Variants in LRRC7 observed in about 807,000 individuals in gnomAD.
LRRC7 encodes leucine-rich repeat-containing protein 7.
A neutral mutation model predicts 175.7 loss-of-function variants in LRRC7; 23 were observed. The observed-to-expected ratio is 0.13, with a 90% CI of 0.09 to 0.19. LRRC7 has a LOEUF of 0.19. LRRC7 is among the 10% of genes least tolerant of loss of function. LRRC7 has a pLI of 1.00. For missense variants in LRRC7, 1,354 were observed against 1,904.7 expected, an observed-to-expected ratio of 0.71 and a Z score of 5.38; for synonymous variants, 685 against 680.9, an observed-to-expected ratio of 1.01 and a Z score of -0.09.
chr1:69,657,112 G>A (rs954609652), intron 1 of LRRC7, among the ~76,000 whole-genome samples: 1 of 151,594 alleles, frequency 6.6e-6, no homozygotes, highest in Non-Finnish European at 1.5e-5. Flanking sequence ...CTTATATTGT[G>A]TGTGTGTGTA....
At chr1:69,763,596 G>A (rs1671277759) in intron 3 of LRRC7, among the ~76,000 whole-genome samples, 3 of 151,974 alleles carry the variant, frequency 2.0e-5, no homozygotes. Flanking sequence ...AGGGGAAGGG[G>A]TGGAAAGGGT....
chr1:70,044,191 C>G (rs1660150568), intron 22 of LRRC7, 97 bp downstream of exon 22: 2 of 1,271,172 alleles, frequency 1.6e-6, no homozygotes, highest in African/African-American at 1.5e-5. Context: ...ACCCTGCTTA[C>G]TATAGGCTCC....
intron 2 of LRRC7, among the ~76,000 whole-genome samples, chr1:69,721,456 AACAGT>A (rs66796936): frequency 0.44 from 66,248 of 151,302 alleles, 14,712 homozygotes; most frequent in Admixed American, 0.5. Context: ...ATTGGAATGA[AACAGT>A]GTGTAGTTTT....
At chr1:69,584,230 G>C (rs1646315803) in intron 1 of LRRC7, among the ~76,000 whole-genome samples, 1 of 152,068 alleles carries the variant, frequency 6.6e-6, no homozygotes, top group Non-Finnish European at 1.5e-5. Flanking sequence ...TTATTTCTCT[G>C]TTATCCCATT....
chr1:69,732,644 A>G (rs1379936493), intron 2 of LRRC7, among the ~76,000 whole-genome samples: 2 of 152,126 alleles, frequency 1.3e-5, no homozygotes, highest in African/African-American at 4.8e-5. Flanking sequence ...TGAAGAAAAC[A>G]GAATTCTTCA....
At chr1:69,980,727 A>T (rs1359824145) in intron 9 of LRRC7, among the ~76,000 whole-genome samples, 2 of 152,160 alleles carry the variant, frequency 1.3e-5, no homozygotes, top group East Asian at 3.9e-4. Context: ...TGTTCTTTAA[A>T]AGCTGAAAGA....
At chr1:69,658,758 CAA>C (rs1657015195) in intron 1 of LRRC7, among the ~76,000 whole-genome samples, 1 of 151,980 alleles carries the variant, frequency 6.6e-6, no homozygotes, top group South Asian at 2.1e-4. Context: ...AATCACATCG[CAA>C]AGTTTTTAAA....
intron 7 of LRRC7, among the ~76,000 whole-genome samples, chr1:69,907,888 T>A (rs1449073808): frequency 6.6e-6 from 1 of 151,962 alleles, no homozygotes; most frequent in African/African-American, 2.4e-5. Context: ...ATCCATCTGG[T>A]CCTGGACTCT....
chr1:69,990,413 T>A (rs1654327136), intron 10 of LRRC7, among the ~76,000 whole-genome samples: 1 of 152,040 alleles, frequency 6.6e-6, no homozygotes, highest in African/African-American at 2.4e-5. Flanking sequence ...GCAATAAAGA[T>A]GTTATTTATG....
chr1:69,609,434 TAGAG>T (rs1006171805), intron 1 of LRRC7, among the ~76,000 whole-genome samples: 62 of 151,902 alleles, frequency 4.1e-4, no homozygotes, highest in African/African-American at 1.0e-3. Context: ...TATATATACA[TAGAG>T]AGAGGAAATA....
intron 21 of LRRC7, 30 bp downstream of exon 21, chr1:70,039,823 C>A: frequency 1.3e-6 from 2 of 1,540,150 alleles, no homozygotes; most frequent in South Asian, 1.3e-5. Flanking sequence ...GTAAGAATAT[C>A]CCTCCTGCCT....
At chr1:69,845,119 T>C (rs1682200327) in intron 7 of LRRC7, among the ~76,000 whole-genome samples, 1 of 151,892 alleles carries the variant, frequency 6.6e-6, no homozygotes, top group South Asian at 2.1e-4. Context: ...GGATTGGTGG[T>C]GTGTGCCTGT....
chr1:69,761,242 G>T (rs929909229), intron 3 of LRRC7, among the ~76,000 whole-genome samples: 1 of 149,138 alleles, frequency 6.7e-6, no homozygotes, highest in Non-Finnish European at 1.5e-5. Context: ...GGAAAAAAAC[G>T]TCATGCACTC....
intron 18 of LRRC7, among the ~76,000 whole-genome samples, chr1:70,032,289 G>A (rs1167993594): frequency 1.3e-5 from 2 of 151,972 alleles, no homozygotes; most frequent in African/African-American, 4.8e-5. Context: ...AGAATCAAGG[G>A]GTAGGGCTTT....
At chr1:69,594,782 T>C (rs1646773182) in intron 1 of LRRC7, among the ~76,000 whole-genome samples, 1 of 152,136 alleles carries the variant, frequency 6.6e-6, no homozygotes. Flanking sequence ...TGCTAATGGG[T>C]ATCTTTCTAA....
In LRRC7 at chr1:69,699,733, A is replaced by G. The variant is rs553062568; in HGVS notation, c.100+21255A>G. Reference sequence around the variant, plus strand: ...ACAGGGCCAAAGATGGCCCCACACAAGTTATCTCCTCTGTGTGGCCTACTT... The same window carrying G: ...ACAGGGCCAAAGATGGCCCCACACAGGTTATCTCCTCTGTGTGGCCTACTT... On this transcript the variant is annotated intron_variant, in intron 2 of 26. Coordinates refer to ENST00000651989, the MANE Select transcript of LRRC7 (RefSeq NM_001370785.2). Among the ~76,000 whole-genome samples the G allele has an allele frequency of 2.0e-5, 3 of 151,764 alleles. No individual in the cohort carries two copies. The East Asian group carries it at 5.8e-4, about 29-fold the overall frequency.
rs777603211 is a variant in LRRC7 at position 70,128,255 on chromosome 1, C to G, written c.*6368C>G. On this transcript the variant is annotated 3_prime_UTR_variant, in exon 27 of 27. Coordinates refer to ENST00000651989, the MANE Select transcript of LRRC7 (RefSeq NM_001370785.2). The stretch of plus-strand genomic sequence containing the variant: ...GGGATTACAGGCGTGAGCCACTGTG[C>G]CCAGCATTTTTTCATTCTTTAAGCT... Among the ~76,000 whole-genome samples, 1 of 152,200 alleles carries G rather than the reference C, an allele frequency of 6.6e-6. No homozygotes were observed. The highest frequency in any genetic ancestry group is 1.5e-5 in the Non-Finnish European group (1 of 68,032).
At chr1:69,691,315 G>T (rs1356615273) in intron 2 of LRRC7, among the ~76,000 whole-genome samples, 1 of 151,942 alleles carries the variant, frequency 6.6e-6, no homozygotes, top group Non-Finnish European at 1.5e-5. Context: ...GATTATTATT[G>T]TAGCACTCAT....
At chr1:69,951,514 A>G (rs576735575) in intron 8 of LRRC7, among the ~76,000 whole-genome samples, 1 of 152,238 alleles carries the variant, frequency 6.6e-6, no homozygotes, top group Admixed American at 6.6e-5. Context: ...CGCAGTTCAC[A>G]ATAGCAAAGG....
Sources: allele counts gnomAD v4.1 joint callset (sites outside exome capture counted in the v4.1 genomes callset), GRCh38; gene constraint gnomAD v4.1.1; transcripts MANE v1.5; gene names NCBI Gene and HGNC (gene_info 2026-07-23, HGNC 2026-07-21).